HAL: variants seen among roughly 807,000 people sequenced by gnomAD.
The protein encoded by HAL is histidase.
A neutral mutation model predicts 81.1 loss-of-function variants in HAL; 85 were observed. The ratio of observed to expected loss-of-function variants is 1.05; its 90% CI spans 0.88 to 1.25. The LOEUF (loss-of-function observed/expected upper bound fraction) is 1.25, where lower values mean the gene tolerates loss of function less well. HAL is among the 50% of genes most tolerant of loss of function. The probability of loss-of-function intolerance (pLI) is 0.00; values close to 1 mark genes in which losing one functional copy is unlikely to be tolerated. For missense variants in HAL, 798 were observed against 836.6 expected, an observed-to-expected ratio of 0.95 and a Z score of 0.57; for synonymous variants, 301 against 309.2, an observed-to-expected ratio of 0.97 and a Z score of 0.28.
chr12:95,982,084 T>C (rs1219837257), intron 15 of HAL, among the ~76,000 whole-genome samples: 1 of 152,230 alleles, frequency 6.6e-6, no homozygotes, highest in Non-Finnish European at 1.5e-5. Context: ...TCTGCATCAA[T>C]TTAGAACTTA....
rs2080680559 is a variant in HAL, at chr12:95,973,640, A to G, written c.*592T>C. ...CTCCTTGTTGGTTTTAATCACCTCT[A>G]CAATTAATAGCTGAAGACCCTATTG... On this transcript the variant is annotated 3_prime_UTR_variant, in exon 21 of 21. Coordinates refer to ENST00000261208, the MANE Select transcript of HAL (RefSeq NM_002108.4). The G allele has an allele frequency of 6.5e-6, 1 of 153,872 alleles. No individual in the cohort carries two copies. Among genetic ancestry groups the G allele is most frequent in the East Asian group, 1.9e-4 (1 of 5,212 alleles). The allele number at this position is 153,872 out of a possible 1,614,324, so 9.5% of individuals were successfully genotyped here. A position where few individuals can be genotyped will look rare whatever the true frequency, so the allele number is the denominator to read the frequency against.
chr12:95,985,944 G>A lies in HAL; in HGVS notation c.1170C>T (p.Arg390=), dbSNP rs746559408. 1.4e-5 allele frequency: 23 copies of A among 1,611,478 alleles called. No homozygotes were observed. Among genetic ancestry groups the A allele is most frequent in the South Asian group, 7.7e-5 (7 of 91,004 alleles). The part of the protein sequence containing the change: ...EIAESHRFCD[R]VQDAYTLRCC... ...AGCGCAAGGTGTATGCATCCTGGAC[G>A]CGATCACAGAACCTGTGACTCTCTG... is the stretch of plus-strand genomic sequence containing the variant. Residue 390 remains arginine (R), a synonymous_variant, in exon 14 of 21, where the codon CGC becomes CGT. Transcript: ENST00000261208.
At chr12:95,978,832 C>T (rs2080757632) in intron 17 of HAL, among the ~76,000 whole-genome samples, 1 of 152,174 alleles carries the variant, frequency 6.6e-6, no homozygotes, top group African/African-American at 2.4e-5. Flanking sequence ...AGTCTCTTCT[C>T]CTCTTTCTCT....
Position 95,996,258 on chromosome 12 carries a change from TC to T in HAL, c.-263del, listed in dbSNP as rs1185990620. On this transcript the variant is annotated 5_prime_UTR_variant, in exon 1 of 21. An upstream open reading frame in the 5' UTR loses its in-frame stop. Transcript: ENST00000261208. ...TGCTGCTGGCCCCCTTTCTTCAGGG[TC>T]CCCAATTTCTCTCTCTTCCCTCGTT... is the stretch of plus-strand genomic sequence containing the variant. The T allele has an allele frequency of 3.1e-6, 1 of 324,910 alleles. No individual in the cohort carries two copies. Among genetic ancestry groups the T allele is most frequent in the Non-Finnish European group, 6.0e-6 (1 of 167,594 alleles). The allele number at this position is 324,910 out of a possible 1,614,324, so 20.1% of individuals were successfully genotyped here.
intron 14 of HAL, among the ~76,000 whole-genome samples, chr12:95,984,995 GTC>G: frequency 6.6e-6 from 1 of 152,254 alleles, no homozygotes; most frequent in Middle Eastern, 3.4e-3. Flanking sequence ...CTCTCTAACT[GTC>G]ATATGTAAAT....
intron 9 of HAL, among the ~76,000 whole-genome samples, chr12:95,991,321 T>G (rs1309375688): frequency 6.6e-6 from 1 of 152,194 alleles, no homozygotes; most frequent in Non-Finnish European, 1.5e-5. Context: ...TATCTAAATA[T>G]GAAATTAAAG....
intron 10 of HAL, among the ~76,000 whole-genome samples, 182 bp from the exon 11 acceptor site, chr12:95,988,422 T>G (rs1188516234): frequency 6.6e-6 from 1 of 152,226 alleles, no homozygotes; most frequent in African/African-American, 2.4e-5. Flanking sequence ...TCTTTAGTCA[T>G]GAAAGCAGAC....
Position 95,995,754 on chromosome 12 carries a change from A to G in HAL, c.157T>C (p.Phe53Leu). ...AGGCCCTTGCACCGGCGCACAAGGA[A>G]GTGCGCGTCATCCACGGAGGTGAAG... ...GGFTSVDDAH[F>L]LVRRCKGLGL... Residue 53 changes from phenylalanine to leucine, a missense_variant, in exon 2 of 21, where the codon TTC (phenylalanine) becomes CTC (leucine). Physicochemically the swap from Phe to Leu is conservative, Grantham distance 22. Transcript: ENST00000261208. 1 of 1,613,662 alleles carries G rather than the reference A, an allele frequency of 6.2e-7. No homozygotes were observed. Among genetic ancestry groups the G allele is most frequent in the Non-Finnish European group, 8.5e-7 (1 of 1,179,902 alleles).
At position 95,973,406 on chromosome 12, in the gene HAL, C is replaced by T. The variant is rs1489338791; in HGVS notation, c.*826G>A. The T allele has an allele frequency of 6.6e-6, 1 of 152,070 alleles. No individual in the cohort carries two copies. Among genetic ancestry groups the T allele is most frequent in the Non-Finnish European group, 1.5e-5 (1 of 68,002 alleles). 9.4% of individuals were successfully genotyped at this position (152,070 alleles called of 1,614,324 possible). On this transcript the variant is annotated 3_prime_UTR_variant, in exon 21 of 21. Transcript: ENST00000261208. ...CATTACAGAAAGGAGGTTGGTTAAT[C>T]CCCAAAGATTCCTTATCTGTGAAAT...
chr12:95,995,454 C>A (rs181919991), intron 2 of HAL, among the ~76,000 whole-genome samples: 3 of 152,302 alleles, frequency 2.0e-5, no homozygotes, highest in Admixed American at 2.0e-4. Flanking sequence ...TCTGATTTCT[C>A]CTCCATCAGA....
At chr12:95,991,170 T>G (rs1949965928) in intron 9 of HAL, among the ~76,000 whole-genome samples, 1 of 152,168 alleles carries the variant, frequency 6.6e-6, no homozygotes, top group Admixed American at 6.5e-5. Flanking sequence ...AAAATCTGTG[T>G]GCTCTAATTC....
At chr12:95,988,611 G>C (rs1949926839) in intron 10 of HAL, among the ~76,000 whole-genome samples, 1 of 152,148 alleles carries the variant, frequency 6.6e-6, no homozygotes, top group African/African-American at 2.4e-5. Flanking sequence ...GTTGTGCTCA[G>C]GCTGGACTCC....
chr12:95,994,660 G>A, intron 4 of HAL, 138 bp downstream of exon 4: 1 of 883,326 alleles, frequency 1.1e-6, no homozygotes. Context: ...AAAGTGCTGG[G>A]ACTACAGACA....
In HAL at chr12:95,987,314, C is replaced by T. The variant is rs1323968796; in HGVS notation, c.904-100G>A. 10 of 921,234 alleles carry T rather than the reference C, an allele frequency of 1.1e-5. No homozygotes were observed. The African/African-American group carries it at 1.6e-4, about 15-fold the overall frequency. The allele number at this position is 921,234 out of a possible 1,614,324, so 57.1% of individuals were successfully genotyped here. On this transcript the variant is annotated intron_variant, in intron 11 of 20. Transcript: ENST00000261208. ...TTGCTTTCATAAGAGAAAAATTAGC[C>T]AGTCATAAACATAAAAAATTATGTT... is the stretch of plus-strand genomic sequence containing the variant.
intron 15 of HAL, among the ~76,000 whole-genome samples, chr12:95,981,988 T>C (rs2136801290): frequency 6.6e-6 from 1 of 152,370 alleles, no homozygotes. Context: ...ATTACTCTGT[T>C]CTGCATGTGT....
chr12:95,992,577 T>G, intron 9 of HAL, 103 bp downstream of exon 9: 1 of 1,052,786 alleles, frequency 9.5e-7, no homozygotes, highest in Non-Finnish European at 1.4e-6. Context: ...TTCAATTATT[T>G]CATGTCTTCT....
At chr12:95,977,093 A>G (rs1182321889) in intron 18 of HAL, among the ~76,000 whole-genome samples, 3 of 152,214 alleles carry the variant, frequency 2.0e-5, no homozygotes, top group Admixed American at 2.0e-4. Context: ...GCTGATCCTC[A>G]TCTTGAGCCC....
At chr12:95,980,225 T>C (rs1296332526) in intron 17 of HAL, among the ~76,000 whole-genome samples, 2 of 118,910 alleles carry the variant, frequency 1.7e-5, no homozygotes, top group African/African-American at 6.7e-5. Context: ...TCTTAGTCTT[T>C]TTCCAATAGT....
intron 11 of HAL, among the ~76,000 whole-genome samples, chr12:95,987,436 A>G (rs1211452625): frequency 6.6e-6 from 1 of 152,216 alleles, no homozygotes; most frequent in African/African-American, 2.4e-5. Flanking sequence ...TGGCAAATGA[A>G]ACACTCATTA....
Sources: allele counts gnomAD v4.1 joint callset (sites outside exome capture counted in the v4.1 genomes callset), GRCh38; gene constraint gnomAD v4.1.1; transcripts MANE v1.5; gene names NCBI Gene and HGNC (gene_info 2026-07-23, HGNC 2026-07-21).